Variants in MEF2C observed in about 807,000 individuals in gnomAD.
MEF2C encodes myocyte-specific enhancer factor 2C.
A neutral mutation model predicts 50.5 loss-of-function variants in MEF2C; 6 were observed. The ratio of observed to expected loss-of-function variants is 0.12; its 90% CI spans 0.07 to 0.23. The LOEUF is 0.23. MEF2C is among the 10% of genes least tolerant of loss of function. The pLI is 1.00. For missense variants in MEF2C, 276 were observed against 605.0 expected (o/e 0.46, Z 5.70); for synonymous variants, 183 against 228.0 (o/e 0.80, Z 1.78).
At chr5:88,734,180 T>TA in intron 6 of MEF2C, 1 of 985,212 alleles carries the variant, frequency 1.0e-6, no homozygotes, top group South Asian at 4.7e-5. Context: ...TTCTACGGGA[T>TA]AAAAAGAGAA....
intron 1 of MEF2C, among the ~76,000 whole-genome samples, chr5:88,849,150 C>CA (rs11295110): frequency 0.11 from 10,127 of 92,010 alleles, 509 homozygotes; most frequent in East Asian, 0.13. Context: ...GACTTTGTCT[C>CA]AAAAAAAAAA....
intron 7 of MEF2C, among the ~76,000 whole-genome samples, chr5:88,730,864 A>C (rs1378641808): frequency 6.6e-6 from 1 of 152,194 alleles, no homozygotes; most frequent in Non-Finnish European, 1.5e-5. Context: ...AAAAGAAATA[A>C]ATGTGTTTGC....
chr5:88,795,892 G>A (rs1795829176), intron 3 of MEF2C, among the ~76,000 whole-genome samples: 1 of 152,176 alleles, frequency 6.6e-6, no homozygotes, highest in Non-Finnish European at 1.5e-5. Flanking sequence ...CATCTATTGA[G>A]ATAATGGTGT....
At chr5:88,804,931 C>T in intron 2 of MEF2C, 130 bp from the exon 3 acceptor site, 1 of 643,806 alleles carries the variant, frequency 1.6e-6, no homozygotes. Context: ...CTAACACATT[C>T]AGAAAGAAAG....
rs776483760 is a variant in MEF2C, at chr5:88,722,569, A to G, written c.*35T>C. The G allele has an allele frequency of 6.5e-7, 1 of 1,548,866 alleles. No homozygotes were observed. Among genetic ancestry groups the G allele is most frequent in the South Asian group, 1.2e-5 (1 of 86,828 alleles). ...AAGGTATAGCACACACACACACTGC[A>G]AGAAAAAAAAAAAAACTAGTAAGTA... On this transcript the variant is annotated 3_prime_UTR_variant, in exon 11 of 11. Coordinates refer to ENST00000504921, the MANE Select transcript of MEF2C (RefSeq NM_002397.5).
At chr5:88,842,373 A>G (rs1204359099) in intron 1 of MEF2C, among the ~76,000 whole-genome samples, 1 of 152,152 alleles carries the variant, frequency 6.6e-6, no homozygotes, top group Non-Finnish European at 1.5e-5. Flanking sequence ...AAAACAAGAA[A>G]GCTAACTCAC....
rs1281050396 is a variant in MEF2C, at chr5:88,717,469, T to TG, written c.*5134dup. 6.6e-6 allele frequency: 1 copy of TG among 152,244 alleles called. No homozygotes were observed. The highest frequency in any genetic ancestry group is 1.9e-4 in the East Asian group (1 of 5,204). 9.4% of individuals were successfully genotyped at this position (152,244 alleles called of 1,614,324 possible). On this transcript the variant is annotated 3_prime_UTR_variant, in exon 11 of 11. Coordinates refer to ENST00000504921, the MANE Select transcript of MEF2C (RefSeq NM_002397.5). ...GAAAGGGCTACAACTTCATTCATCC[T>TG]GGAATCACCACATGAGTTACATATA...
intron 1 of MEF2C, among the ~76,000 whole-genome samples, chr5:88,837,300 CT>C (rs544632280): frequency 1.5e-4 from 23 of 149,822 alleles, no homozygotes; most frequent in Middle Eastern, 3.5e-3. Context: ...CAATGGAAAA[CT>C]TTTTTTTTTC....
intron 6 of MEF2C, chr5:88,733,247 G>A: frequency 1.0e-6 from 1 of 985,330 alleles, no homozygotes; most frequent in Non-Finnish European, 1.2e-6. Context: ...GGAAAGGGCT[G>A]AGGTAGGAGT....
At chr5:88,770,921 C>T (rs956362255) in intron 3 of MEF2C, among the ~76,000 whole-genome samples, 5 of 152,170 alleles carry the variant, frequency 3.3e-5, no homozygotes, top group African/African-American at 9.7e-5. Flanking sequence ...TAAAGACATA[C>T]CAAGACTGAG....
intron 1 of MEF2C, among the ~76,000 whole-genome samples, chr5:88,874,578 C>A (rs1830509130): frequency 6.6e-6 from 1 of 151,884 alleles, no homozygotes; most frequent in Non-Finnish European, 1.5e-5. Flanking sequence ...CTGCCTTATA[C>A]ATTTTTTAAG....
intron 3 of MEF2C, among the ~76,000 whole-genome samples, chr5:88,789,654 T>G (rs1011290657): frequency 6.6e-6 from 1 of 152,182 alleles, no homozygotes; most frequent in African/African-American, 2.4e-5. Flanking sequence ...TTCCAGCTAG[T>G]CATTAACTCT....
At chr5:88,841,792 T>C (rs1195576164) in intron 1 of MEF2C, among the ~76,000 whole-genome samples, 1 of 152,218 alleles carries the variant, frequency 6.6e-6, no homozygotes, top group Non-Finnish European at 1.5e-5. Flanking sequence ...CACTATTCTA[T>C]GTAATATGTC....
At chr5:88,896,944 T>TACACAC (rs58754057) in intron 1 of MEF2C, among the ~76,000 whole-genome samples, 27,083 of 150,516 alleles carry the variant, frequency 0.18, 2,496 homozygotes, top group Admixed American at 0.25. Context: ...TCAGTAAAGC[T>TACACAC]ACACACACAC....
intron 10 of MEF2C, among the ~76,000 whole-genome samples, chr5:88,724,724 T>A (rs184366548): frequency 2.6e-5 from 4 of 152,240 alleles, no homozygotes; most frequent in Admixed American, 2.6e-4. Flanking sequence ...TTCAAAAGGA[T>A]TCATAATGGT....
At chr5:88,883,530 A>T, upstream of MEF2C, 1 of 45,516 alleles carries the variant, frequency 2.2e-5, no homozygotes, top group East Asian at 4.5e-4. Context: ...ATTGAAGGAT[A>T]CTGGGAGGGG....
intron 1 of MEF2C, among the ~76,000 whole-genome samples, chr5:88,898,035 C>A (rs1046423117): frequency 1.3e-5 from 2 of 152,090 alleles, no homozygotes; most frequent in African/African-American, 4.8e-5. Flanking sequence ...ATGCTACTCT[C>A]TTAAGGTGAG....
At chr5:88,799,283 G>A (rs935543673) in intron 3 of MEF2C, among the ~76,000 whole-genome samples, 13 of 152,182 alleles carry the variant, frequency 8.5e-5, no homozygotes, top group African/African-American at 2.7e-4. Context: ...CAGGGAGATG[G>A]GAGTTTTATC....
At chr5:88,783,793 A>G (rs1320809998) in intron 3 of MEF2C, among the ~76,000 whole-genome samples, 1 of 152,188 alleles carries the variant, frequency 6.6e-6, no homozygotes, top group Non-Finnish European at 1.5e-5. Flanking sequence ...TGTTTTGTCC[A>G]GTTGATTCCC....
Sources: allele counts gnomAD v4.1 joint callset (sites outside exome capture counted in the v4.1 genomes callset), GRCh38; gene constraint gnomAD v4.1.1; transcripts MANE v1.5; gene names NCBI Gene and HGNC (gene_info 2026-07-23, HGNC 2026-07-21).